The following CD226 variants were observed in gnomAD, a reference collection of about 807,000 sequenced individuals.
CD226 encodes CD226 molecule.
In CD226, 24 loss-of-function variants were observed where a neutral mutation model predicts 34.9. The ratio of observed to expected loss-of-function variants is 0.69; its 90% CI spans 0.50 to 0.97. The LOEUF (loss-of-function observed/expected upper bound fraction) is 0.97. Among genes scored for constraint, CD226 ranks in the 50% least tolerant of loss-of-function variants. The probability of loss-of-function intolerance (pLI) is 0.00; values close to 1 mark genes in which losing one functional copy is unlikely to be tolerated. For missense variants in CD226, 397 were observed against 412.7 expected, an observed-to-expected ratio of 0.96 and a Z score of 0.33; for synonymous variants, 148 against 147.4, an observed-to-expected ratio of 1.00 and a Z score of -0.03.
intron 3 of CD226, among the ~76,000 whole-genome samples, chr18:69,888,089 T>G (rs925621973): frequency 1.3e-5 from 2 of 152,234 alleles, no homozygotes; most frequent in Non-Finnish European, 2.9e-5. Flanking sequence ...ATACTTCAGA[T>G]GAAGTTCAAA....
At chr18:69,936,232 T>C (rs1444833236) in intron 2 of CD226, among the ~76,000 whole-genome samples, 1 of 152,170 alleles carries the variant, frequency 6.6e-6, no homozygotes, top group Non-Finnish European at 1.5e-5. Flanking sequence ...ACTTTCTCTT[T>C]TTTTTTGATT....
intron 2 of CD226, among the ~76,000 whole-genome samples, chr18:69,919,035 G>A (rs2041339919): frequency 6.6e-6 from 1 of 152,142 alleles, no homozygotes; most frequent in Admixed American, 6.5e-5. Flanking sequence ...GAAGTATTTA[G>A]GAAATAATGT....
At chr18:69,866,206 C>G (rs1983133415) in intron 5 of CD226, among the ~76,000 whole-genome samples, 1 of 152,166 alleles carries the variant, frequency 6.6e-6, no homozygotes, top group South Asian at 2.1e-4. Flanking sequence ...TCTCCACCTC[C>G]TAATATCATC....
At chr18:69,878,612 C>T (rs1335905257) in intron 3 of CD226, among the ~76,000 whole-genome samples, 1 of 152,122 alleles carries the variant, frequency 6.6e-6, no homozygotes, top group East Asian at 1.9e-4. Context: ...CAGGGAAAAC[C>T]CGCAGGTCCT....
At chr18:69,920,676 G>A (rs1036372108) in intron 2 of CD226, among the ~76,000 whole-genome samples, 6 of 152,164 alleles carry the variant, frequency 3.9e-5, no homozygotes, top group African/African-American at 1.4e-4. Flanking sequence ...CACGATGTGT[G>A]ATAAACACTT....
intron 3 of CD226, among the ~76,000 whole-genome samples, chr18:69,890,599 AC>A (rs895472621): frequency 8.5e-5 from 13 of 152,230 alleles, no homozygotes; most frequent in Non-Finnish European, 1.9e-4. Context: ...GTGGAAAAAA[AC>A]ATAGACATTG....
At chr18:69,896,067 T>C in intron 2 of CD226, 22 bp from the exon 3 acceptor site, 1 of 1,587,754 alleles carries the variant, frequency 6.3e-7, no homozygotes, top group Non-Finnish European at 8.6e-7. Context: ...AAGCAAATGA[T>C]TAGATACAGG....
chr18:69,893,709 T>A (rs948501656), intron 3 of CD226, among the ~76,000 whole-genome samples: 3 of 152,190 alleles, frequency 2.0e-5, no homozygotes, highest in Non-Finnish European at 4.4e-5. Context: ...TCTCTGCTAA[T>A]TTTTCCTCCC....
chr18:69,900,926 C>T (rs562491281), intron 2 of CD226, among the ~76,000 whole-genome samples: 9 of 152,170 alleles, frequency 5.9e-5, no homozygotes, highest in East Asian at 1.9e-4. Flanking sequence ...CATGCCTAAA[C>T]GAATTGAGAG....
intron 4 of CD226, among the ~76,000 whole-genome samples, chr18:69,871,916 T>C (rs1408933870): frequency 2.6e-5 from 4 of 152,070 alleles, no homozygotes; most frequent in Non-Finnish European, 4.4e-5. Flanking sequence ...GGAAACTGGA[T>C]GGGTTAGAGA....
chr18:69,958,360 G>A (rs2055912731), upstream of CD226, among the ~76,000 whole-genome samples: 3 of 152,078 alleles, frequency 2.0e-5, no homozygotes, highest in South Asian at 6.2e-4. Flanking sequence ...TCCATATTGT[G>A]ATCACAATCC....
chr18:69,933,319 T>C (rs2055611439), intron 2 of CD226, among the ~76,000 whole-genome samples: 1 of 152,198 alleles, frequency 6.6e-6, no homozygotes, highest in African/African-American at 2.4e-5. Context: ...CCTAAGCCTC[T>C]GGCCAAATTT....
At chr18:69,945,471 A>C (rs1045138586) in intron 2 of CD226, among the ~76,000 whole-genome samples, 1 of 152,136 alleles carries the variant, frequency 6.6e-6, no homozygotes, top group Non-Finnish European at 1.5e-5. Context: ...AGCAAAAAAC[A>C]CTCCAAGGGA....
intron 2 of CD226, among the ~76,000 whole-genome samples, chr18:69,902,076 T>C (rs2055193538): frequency 6.6e-6 from 1 of 152,126 alleles, no homozygotes; most frequent in Admixed American, 6.5e-5. Flanking sequence ...AGAGCTGAGC[T>C]GGCAAAGAAC....
chr18:69,869,282 A>G (rs1875977855), intron 4 of CD226, among the ~76,000 whole-genome samples: 1 of 152,246 alleles, frequency 6.6e-6, no homozygotes, highest in Non-Finnish European at 1.5e-5. Context: ...GACTGGATAA[A>G]GAAAATGTGG....
chr18:69,892,957 A>G (rs989908894), intron 3 of CD226, among the ~76,000 whole-genome samples: 10 of 152,232 alleles, frequency 6.6e-5, no homozygotes, highest in African/African-American at 2.2e-4. Flanking sequence ...CACATCTTAT[A>G]TCTGTCTCTC....
chr18:69,876,098 TA>T (rs1002654885), intron 3 of CD226, among the ~76,000 whole-genome samples: 11 of 151,860 alleles, frequency 7.2e-5, no homozygotes, highest in South Asian at 2.1e-4. Context: ...GTTAATTATT[TA>T]AAAAAAAATT....
At chr18:69,959,445 A>T (rs2055919407), upstream of CD226, among the ~76,000 whole-genome samples, 1 of 152,322 alleles carries the variant, frequency 6.6e-6, no homozygotes, top group East Asian at 1.9e-4. Context: ...AAGTCATCAC[A>T]TCCCTAGTTG....
chr18:69,923,760 C>G (rs931419760), intron 2 of CD226, among the ~76,000 whole-genome samples: 1 of 151,794 alleles, frequency 6.6e-6, no homozygotes, highest in African/African-American at 2.4e-5. Flanking sequence ...GAGACCATCC[C>G]GGCTAAAAAC....
Sources: allele counts gnomAD v4.1 joint callset (sites outside exome capture counted in the v4.1 genomes callset), GRCh38; gene constraint gnomAD v4.1.1; transcripts MANE v1.5; gene names NCBI Gene and HGNC (gene_info 2026-07-23, HGNC 2026-07-21).